The following MTDH variants were observed in gnomAD, a reference collection of about 807,000 sequenced individuals.
MTDH encodes the protein protein LYRIC.
In MTDH, 34 loss-of-function variants were observed where a neutral mutation model predicts 72.7. The observed-to-expected ratio is 0.47, with a 90% CI of 0.36 to 0.62. The LOEUF (loss-of-function observed/expected upper bound fraction) is 0.62, where lower values mean the gene tolerates loss of function less well. Ranked by LOEUF, MTDH falls within the 20% of genes least tolerant of loss-of-function variation. The pLI, the probability that MTDH is intolerant of heterozygous loss-of-function variation, is 0.00. For missense variants in MTDH, 677 were observed against 699.4 expected (o/e 0.97, Z 0.36); for synonymous variants, 266 against 268.9 (o/e 0.99, Z 0.10).
chr8:97,706,465 G>A (rs190300985), intron 7 of MTDH, 161 bp from the exon 8 acceptor site: 29 of 499,532 alleles, frequency 5.8e-5, no homozygotes, highest in African/African-American at 5.4e-4. Context: ...AATAAAGATT[G>A]TTACCTTCAT....
At position 97,704,199 on chromosome 8, in the gene MTDH, A is replaced by G. The variant is rs56321034; in HGVS notation, c.1148-2427A>G. ...GCTCTTCTTTGTTTCCACAGCCCCCATGGCAGAATCTGTCACTCTGTATTT... is the reference window on the plus strand; with the variant it reads ...GCTCTTCTTTGTTTCCACAGCCCCCGTGGCAGAATCTGTCACTCTGTATTT... On this transcript the variant is annotated intron_variant, in intron 7 of 11. Coordinates refer to ENST00000336273, the MANE Select transcript of MTDH (RefSeq NM_178812.4). Among the ~76,000 whole-genome samples the G allele has an allele frequency of 6.2e-3, 943 of 152,204 alleles. 10 individuals are homozygous for G. Among genetic ancestry groups the G allele is most frequent in the African/African-American group, 0.021 (881 of 41,524 alleles).
Position 97,653,581 on chromosome 8 carries a change from T to C in MTDH, c.382-7491T>C, listed in dbSNP as rs538184659. Among the ~76,000 whole-genome samples, 168 of 152,328 alleles carry C rather than the reference T, an allele frequency of 1.1e-3. 3 individuals carry two copies. Among genetic ancestry groups the C allele is most frequent in the African/African-American group, 3.8e-3 (157 of 41,578 alleles). On this transcript the variant is annotated intron_variant, in intron 1 of 11. Transcript: ENST00000336273. ...TAACAGTTCTGACAGAAAAGACCTT[T>C]AGTAGTTGTGCCCATCTTAGATACC...
chr8:97,659,539 A>G (rs997859989), intron 1 of MTDH, among the ~76,000 whole-genome samples: 4 of 152,218 alleles, frequency 2.6e-5, no homozygotes, highest in South Asian at 2.1e-4. Context: ...GAGAATATAA[A>G]TGGTCTCCTT....
intron 6 of MTDH, among the ~76,000 whole-genome samples, chr8:97,699,215 G>C (rs1813997750): frequency 6.6e-6 from 1 of 152,112 alleles, no homozygotes; most frequent in Admixed American, 6.6e-5. Context: ...TTGAGCTGAG[G>C]AGGCAGAAAT....
At chr8:97,696,712 G>A (rs1027300105) in intron 6 of MTDH, among the ~76,000 whole-genome samples, 1 of 152,106 alleles carries the variant, frequency 6.6e-6, no homozygotes, top group Non-Finnish European at 1.5e-5. Context: ...ATAAGTATCT[G>A]TAGATTTATA....
At chr8:97,678,594 CTTTTTTTTTTTTTTT>C (rs35895126) in intron 2 of MTDH, among the ~76,000 whole-genome samples, 1 of 85,312 alleles carries the variant, frequency 1.2e-5, no homozygotes, top group Non-Finnish European at 2.1e-5. Flanking sequence ...TTCCTTCCTT[CTTTTTTTTTTTTTTT>C]TTTTTTTTTG....
chr8:97,649,008 A>G (rs936056480), intron 1 of MTDH, among the ~76,000 whole-genome samples: 4 of 152,156 alleles, frequency 2.6e-5, no homozygotes, highest in African/African-American at 9.7e-5. Flanking sequence ...ACCCCATAAG[A>G]TTATGATATT....
chr8:97,722,500 G>A (rs1815169886), intron 10 of MTDH, among the ~76,000 whole-genome samples: 1 of 152,168 alleles, frequency 6.6e-6, no homozygotes. Flanking sequence ...TACTCAGGAG[G>A]CTGAGGCAGG....
rs1815442132 is a variant in MTDH at position 97,728,566 on chromosome 8, C to T, written c.*3896C>T. The stretch of plus-strand genomic sequence containing the variant: ...GTTAAGGAAATTAAAACTTGGCATG[C>T]ATTAGTTCATATGTATGAGGTTGGC... On this transcript the variant is annotated 3_prime_UTR_variant, in exon 12 of 12. Transcript: ENST00000336273. 1 of 152,030 alleles carries T rather than the reference C, an allele frequency of 6.6e-6. No individual in the cohort carries two copies. The highest frequency in any genetic ancestry group is 1.5e-5 in the Non-Finnish European group (1 of 68,016). 9.4% of individuals were successfully genotyped at this position (152,030 alleles called of 1,614,324 possible). A position where few individuals can be genotyped will look rare whatever the true frequency, so the allele number is the denominator to read the frequency against.
rs750394020 is a variant in MTDH, at chr8:97,719,087, T to C, written c.1419T>C (p.Leu473=). The change falls in exon 10 of 12, where the codon CTT becomes CTC. Residue 473 remains leucine (L), a synonymous_variant. Transcript: ENST00000336273. ...EELEKEIRED[L]PVNTSKTRPK... ...TAGAAAAAGAGATTAGAGAAGACCT[T>C]CCAGTGAATACCTCTAAAACCCGTC... 24 of 1,612,928 alleles carry C rather than the reference T, an allele frequency of 1.5e-5. No individual in the cohort carries two copies. The African/African-American group carries it at 3.2e-4, about 22-fold the overall frequency.
chr8:97,686,588 C>A, intron 2 of MTDH, 80 bp from the exon 3 acceptor site: 1 of 782,338 alleles, frequency 1.3e-6, no homozygotes, highest in Non-Finnish European at 1.9e-6. Flanking sequence ...CAGCATCATA[C>A]ATTTCATTAT....
Position 97,644,381 on chromosome 8 carries a change from C to T in MTDH, c.-126C>T. ...CAGCGGCCGATCCCCGGCTCCGGCG[C>T]GAGGGACGGCCGCGATGCGCTCGGC... On this transcript the variant is annotated 5_prime_UTR_variant, in exon 1 of 12. Coordinates refer to ENST00000336273, the MANE Select transcript of MTDH (RefSeq NM_178812.4). The T allele has an allele frequency of 7.6e-7, 1 of 1,312,350 alleles. No individual in the cohort carries two copies. The highest frequency in any genetic ancestry group is 1.0e-6 in the Non-Finnish European group (1 of 997,034). The allele number at this position is 1,312,350 out of a possible 1,614,324, so 81.3% of individuals were successfully genotyped here.
chr8:97,713,954 A>AGG (rs1814741507), intron 9 of MTDH, among the ~76,000 whole-genome samples, 185 bp downstream of exon 9: 1 of 152,232 alleles, frequency 6.6e-6, no homozygotes, highest in Non-Finnish European at 1.5e-5. Flanking sequence ...TGCTCAAAAA[A>AGG]TTCGTGTTAA....
intron 2 of MTDH, among the ~76,000 whole-genome samples, chr8:97,665,504 T>A (rs1486550172): frequency 6.6e-6 from 1 of 152,138 alleles, no homozygotes; most frequent in East Asian, 1.9e-4. Flanking sequence ...AGAGAAGATA[T>A]CTAGTAATAC....
Position 97,726,965 on chromosome 8 carries a change from G to C in MTDH, c.*2295G>C, listed in dbSNP as rs921423259. The C allele has an allele frequency of 1.3e-5, 2 of 151,580 alleles. No homozygotes were observed. The highest frequency in any genetic ancestry group is 4.9e-5 in the African/African-American group (2 of 41,204). The allele number at this position is 151,580 out of a possible 1,614,324, so 9.4% of individuals were successfully genotyped here. A position where few individuals can be genotyped will look rare whatever the true frequency, so the allele number is the denominator to read the frequency against. ...GTGGTGGTGGGCTCCTGTAATCCCA[G>C]CTACTCAGGAGGCTAAGGCAGAGAA... On this transcript the variant is annotated 3_prime_UTR_variant, in exon 12 of 12. Transcript: ENST00000336273.
chr8:97,729,849 A>G lies in MTDH; in HGVS notation c.*5179A>G, dbSNP rs1815492332. On this transcript the variant is annotated 3_prime_UTR_variant, in exon 12 of 12. Transcript: ENST00000336273. Reference sequence around the variant, plus strand: ...ACTCAGTGACTGCTTTAAATTCTAGAGACAGAGGCTGAGAGAAACTTAGTA... The same window carrying G: ...ACTCAGTGACTGCTTTAAATTCTAGGGACAGAGGCTGAGAGAAACTTAGTA... 6.6e-6 allele frequency among the ~76,000 whole-genome samples: 1 copy of G among 152,168 alleles called. No homozygotes were observed. The highest frequency in any genetic ancestry group is 2.1e-4 in the South Asian group (1 of 4,830).
In MTDH at chr8:97,724,581, T is replaced by C. The variant is rs778016043; in HGVS notation, c.1679-19T>C. On this transcript the variant is annotated intron_variant, in intron 11 of 11. Coordinates refer to ENST00000336273, the MANE Select transcript of MTDH (RefSeq NM_178812.4). Reference sequence around the variant, plus strand: ...ATCCTCCTAATTTTTTTCTTCGTTTTCCCCCTTTTCTTTTTTAGCCAAGTC... The same window carrying C: ...ATCCTCCTAATTTTTTTCTTCGTTTCCCCCCTTTTCTTTTTTAGCCAAGTC... 5.1e-6 allele frequency: 8 copies of C among 1,565,848 alleles called. No individual in the cohort carries two copies. The highest frequency in any genetic ancestry group is 6.0e-6 in the Non-Finnish European group (7 of 1,161,426).
At chr8:97,719,461 C>T (rs550713113) in intron 10 of MTDH, among the ~76,000 whole-genome samples, 71 of 144,886 alleles carry the variant, frequency 4.9e-4, no homozygotes, top group Non-Finnish European at 9.5e-4. Context: ...CCACTGCACT[C>T]CGGCCTAGGC....
chr8:97,673,962 G>A (rs1464583003), intron 2 of MTDH, among the ~76,000 whole-genome samples: 4 of 151,892 alleles, frequency 2.6e-5, no homozygotes, highest in African/African-American at 7.3e-5. Context: ...TCAACAGAGC[G>A]AAACCCTATC....
Sources: allele counts gnomAD v4.1 joint callset (sites outside exome capture counted in the v4.1 genomes callset), GRCh38; gene constraint gnomAD v4.1.1; transcripts MANE v1.5; gene names NCBI Gene and HGNC (gene_info 2026-07-23, HGNC 2026-07-21).